The following NRIP1 variants were observed in gnomAD, a reference collection of about 807,000 sequenced individuals.
NRIP1 encodes nuclear receptor-interacting protein 1.
A neutral mutation model predicts 75.0 loss-of-function variants in NRIP1; 28 were observed. That is an observed-to-expected ratio of 0.37 (90% confidence interval 0.28 to 0.51). The LOEUF (loss-of-function observed/expected upper bound fraction) is 0.51, where lower values mean the gene tolerates loss of function less well. Ranked by LOEUF, NRIP1 falls within the 20% of genes least tolerant of loss-of-function variation. The probability of loss-of-function intolerance (pLI) is 0.92; values close to 1 mark genes in which losing one functional copy is unlikely to be tolerated. For synonymous variants in NRIP1, 526 were observed against 487.6 expected (o/e 1.08, Z -1.04); for missense variants, 1,435 against 1,343.7 (o/e 1.07, Z -1.06).
intron 3 of NRIP1, among the ~76,000 whole-genome samples, chr21:14,986,738 G>A (rs542736631): frequency 2.6e-5 from 4 of 152,146 alleles, no homozygotes; most frequent in African/African-American, 9.6e-5. Flanking sequence ...GAGATTTTTG[G>A]CATATATTTT....
rs1256000107 is a variant in NRIP1, at chr21:14,967,828, C to T, written c.365G>A (p.Ser122Asn). 4.3e-6 allele frequency: 7 copies of T among 1,614,022 alleles called. No homozygotes were observed. Among genetic ancestry groups the T allele is most frequent in the Admixed American group, 1.7e-5 (1 of 60,012 alleles). ...GCTATCCTGTTTGCCTTTAGGCACA[C>T]TGTCAACCATGCCAGCTAGCAAAGC... ...KEALLAGMVDSVPKGKQDSTL... is the reference protein window; with the variant it reads ...KEALLAGMVDNVPKGKQDSTL... The change falls in exon 4 of 4, where the codon AGT becomes AAT. Residue 122 changes from serine to asparagine, a missense_variant. Transcript: ENST00000318948.
chr21:15,043,927 TC>T (rs1430593504), intron 1 of NRIP1, among the ~76,000 whole-genome samples: 1 of 152,132 alleles, frequency 6.6e-6, no homozygotes, highest in African/African-American at 2.4e-5. Context: ...CAAGCGATTC[TC>T]CCACCTCAGT....
chr21:15,046,183 G>C (rs2089070140), intron 1 of NRIP1, among the ~76,000 whole-genome samples: 1 of 152,162 alleles, frequency 6.6e-6, no homozygotes, highest in Admixed American at 6.5e-5. Context: ...AGATCCATCA[G>C]AGGAATCACT....
chr21:15,019,175 A>G (rs908746234), intron 2 of NRIP1, among the ~76,000 whole-genome samples: 1 of 148,536 alleles, frequency 6.7e-6, no homozygotes, highest in East Asian at 1.9e-4. Context: ...TAATTGTTTC[A>G]GTGTTAAAAC....
Position 14,965,378 on chromosome 21 carries a change from G to A in NRIP1, c.2815C>T (p.Leu939=). ...ESKSFNVLKQ[L]LLSENCVRDL... ...CGCACACAGTTTTCTGAGAGAAGCAGCTGTTTCAGAACATTAAAGCTTTTG... is the reference window on the plus strand; with the variant it reads ...CGCACACAGTTTTCTGAGAGAAGCAACTGTTTCAGAACATTAAAGCTTTTG... The change falls in exon 4 of 4, where the codon CTG becomes TTG. Residue 939 remains leucine, a synonymous_variant. Transcript: ENST00000318948. The A allele has an allele frequency of 6.2e-7, 1 of 1,614,044 alleles. No individual in the cohort carries two copies. Among genetic ancestry groups the A allele is most frequent in the South Asian group, 1.1e-5 (1 of 91,080 alleles).
chr21:14,975,486 GC>G (rs1267613250), intron 3 of NRIP1, among the ~76,000 whole-genome samples: 18 of 151,454 alleles, frequency 1.2e-4, no homozygotes, highest in Admixed American at 1.2e-3. Flanking sequence ...GGGTACGGTG[GC>G]TAGCCTGTAA....
rs2086663018 is a variant in NRIP1, at chr21:14,964,281, G to A, written c.*435C>T. On this transcript the variant is annotated 3_prime_UTR_variant, in exon 4 of 4. Transcript: ENST00000318948. The stretch of plus-strand genomic sequence containing the variant: ...ATCAGCACTAGGTTTTTTTTTATTG[G>A]ATAATTATCCTTTAAAGAGTTGTTT... 6.6e-6 allele frequency: 1 copy of A among 151,920 alleles called. No homozygotes were observed. Among genetic ancestry groups the A allele is most frequent in the Non-Finnish European group, 1.5e-5 (1 of 68,292 alleles). The allele number at this position is 151,920 out of a possible 1,614,324, so 9.4% of individuals were successfully genotyped here. A position where few individuals can be genotyped will look rare whatever the true frequency, so the allele number is the denominator to read the frequency against.
At position 14,964,836 on chromosome 21, in the gene NRIP1, A is replaced by T. The variant is rs1462483834; in HGVS notation, c.3357T>A (p.Phe1119Leu). Residue 1119 changes from phenylalanine to leucine, a missense_variant, in exon 4 of 4, where the codon TTT becomes TTA. Physicochemically the swap from Phe to Leu is conservative, Grantham distance 22. Coordinates refer to ENST00000318948, the MANE Select transcript of NRIP1 (RefSeq NM_003489.4). ...GGCTATTGTAAGGGCTTCTTAAATT[A>T]AAGAAAGAAGCTTTCGTTTCTGCAG... is the stretch of plus-strand genomic sequence containing the variant. Reference protein sequence around the residue: ...LPTAETKASFFNLRSPYNSHM... With the variant: ...LPTAETKASFLNLRSPYNSHM... 1 of 1,613,554 alleles carries T rather than the reference A, an allele frequency of 6.2e-7. No homozygotes were observed. The highest frequency in any genetic ancestry group is 1.1e-5 in the South Asian group (1 of 90,996).
intron 3 of NRIP1, among the ~76,000 whole-genome samples, chr21:14,991,629 G>GT (rs1229065371): frequency 6.6e-6 from 1 of 152,018 alleles, no homozygotes; most frequent in Admixed American, 6.6e-5. Context: ...AGGGAGACTT[G>GT]TAAGTGTCAC....
At chr21:15,045,194 A>G (rs2089043701) in intron 1 of NRIP1, among the ~76,000 whole-genome samples, 1 of 152,068 alleles carries the variant, frequency 6.6e-6, no homozygotes, top group South Asian at 2.1e-4. Context: ...TTCTACCCAG[A>G]TGAGTTGGGA....
At chr21:15,057,685 T>C (rs1032546628) in intron 1 of NRIP1, among the ~76,000 whole-genome samples, 9 of 152,216 alleles carry the variant, frequency 5.9e-5, no homozygotes, top group African/African-American at 1.7e-4. Context: ...CTTCAAACAA[T>C]GGCATATTCT....
intron 2 of NRIP1, among the ~76,000 whole-genome samples, chr21:15,016,152 A>T (rs1300080265): frequency 6.6e-6 from 1 of 152,224 alleles, no homozygotes; most frequent in Non-Finnish European, 1.5e-5. Context: ...CAGAGATTCC[A>T]TTTCATAGAG....
intron 2 of NRIP1, among the ~76,000 whole-genome samples, chr21:15,026,939 C>A (rs1408195297): frequency 6.6e-6 from 1 of 152,038 alleles, no homozygotes; most frequent in African/African-American, 2.4e-5. Flanking sequence ...GGGATGGACA[C>A]CTCATTCTTC....
At chr21:15,002,786 T>C (rs1335975678) in intron 3 of NRIP1, among the ~76,000 whole-genome samples, 3 of 152,212 alleles carry the variant, frequency 2.0e-5, no homozygotes, top group African/African-American at 2.4e-5. Flanking sequence ...ATAGGGTTAA[T>C]AGACTCTGCA....
At chr21:14,975,464 G>A (rs2087029935) in intron 3 of NRIP1, among the ~76,000 whole-genome samples, 1 of 151,574 alleles carries the variant, frequency 6.6e-6, no homozygotes, top group Non-Finnish European at 1.5e-5. Flanking sequence ...TAAGAAAACT[G>A]AAGATGGGGC....
In NRIP1 at chr21:15,025,975, G is replaced by A. The variant is rs541690175; in HGVS notation, c.-457-11509C>T. ...GAAAAGGACATTATCGGGACAACCT[G>A]GAAACTTGAATGAGCTCTGACGATT... On this transcript the variant is annotated intron_variant, in intron 2 of 3. Coordinates refer to ENST00000318948, the MANE Select transcript of NRIP1 (RefSeq NM_003489.4). 3.3e-5 allele frequency among the ~76,000 whole-genome samples: 5 copies of A among 152,218 alleles called. No individual in the cohort carries two copies. The South Asian group carries it at 1.0e-3, about 32-fold the overall frequency.
intron 3 of NRIP1, among the ~76,000 whole-genome samples, chr21:15,006,435 C>A (rs1444144418): frequency 6.6e-6 from 1 of 152,072 alleles, no homozygotes; most frequent in East Asian, 1.9e-4. Flanking sequence ...ATAAAATAGT[C>A]CTGGCTTTCA....
At chr21:15,036,296 C>A (rs769167262) in intron 2 of NRIP1, among the ~76,000 whole-genome samples, 1 of 152,156 alleles carries the variant, frequency 6.6e-6, no homozygotes, top group Non-Finnish European at 1.5e-5. Context: ...AAAAGGGTAT[C>A]CCAATTGCAC....
rs372000156 is a variant in NRIP1 at position 15,038,332 on chromosome 21, C to G, written c.-458+5163G>C. ...CTTTGAGAACTACAATTAGATACCA[C>G]CTGTATAAAATGAAAGCCAAACTAT... On this transcript the variant is annotated intron_variant, in intron 2 of 3. Transcript: ENST00000318948. Among the ~76,000 whole-genome samples, 26 of 152,016 alleles carry G rather than the reference C, an allele frequency of 1.7e-4. No individual in the cohort carries two copies. In the East Asian group the frequency reaches 4.8e-3, roughly 28 times the overall value.
Sources: gnomAD v4.1 joint callset for allele counts (sites outside exome capture counted in the v4.1 genomes callset) on GRCh38, gnomAD v4.1.1 for gene constraint, MANE v1.5 for transcripts, NCBI Gene and HGNC (gene_info 2026-07-23, HGNC 2026-07-21) for gene names.